The following RYR3 variants were observed in gnomAD, a reference collection of about 807,000 sequenced individuals.
RYR3 encodes the protein brain ryanodine receptor-calcium release channel.
RYR3 carries 207 observed loss-of-function variants against 584.3 expected under a neutral mutation model. The ratio of observed to expected loss-of-function variants is 0.35; its 90% CI spans 0.32 to 0.40. RYR3 has a LOEUF of 0.40. Among genes scored for constraint, RYR3 ranks in the 10% least tolerant of loss-of-function variants. The pLI is 1.00. For synonymous variants in RYR3, 2,416 were observed against 2,248.5 expected, an observed-to-expected ratio of 1.07 and a Z score of -2.11; for missense variants, 5,616 against 6,089.2, an observed-to-expected ratio of 0.92 and a Z score of 2.59.
intron 31 of RYR3, among the ~76,000 whole-genome samples, chr15:33,650,546 T>A (rs2062406009): frequency 6.6e-6 from 1 of 152,194 alleles, no homozygotes; most frequent in Non-Finnish European, 1.5e-5. Flanking sequence ...ATAAGTTAAT[T>A]CATAGAAAAA....
In RYR3 at chr15:33,624,009, G is replaced by T; in HGVS notation, c.2560G>T (p.Val854Leu). 1 of 1,613,424 alleles carries T rather than the reference G, an allele frequency of 6.2e-7. No individual in the cohort carries two copies. The highest frequency in any genetic ancestry group is 8.5e-7 in the Non-Finnish European group (1 of 1,179,492). ...CCAAGCCTCTTTCATCCCATGCCCCGTAGACACCAGTCAGGTAGGTTCAAA... is the reference window on the plus strand; with the variant it reads ...CCAAGCCTCTTTCATCCCATGCCCCTTAGACACCAGTCAGGTAGGTTCAAA... ...LSQASFIPCP[V>L]DTSQVILPPH... The change falls in exon 20 of 104, where the codon GTA (valine) becomes TTA (leucine). Residue 854 changes from valine to leucine, a missense_variant. Physicochemically the swap from Val to Leu is conservative, Grantham distance 32. Around this residue, in one of 9 missense-constraint regions of RYR3, gnomAD observed 1,284 missense variants for 1,344.6 expected, o/e 0.95. Transcript: ENST00000634891.
chr15:33,729,104 TTC>T (rs1184751776), intron 47 of RYR3, 78 bp downstream of exon 47: 15 of 1,212,384 alleles, frequency 1.2e-5, no homozygotes, highest in African/African-American at 4.5e-5. Flanking sequence ...AGCAAATATT[TTC>T]TCTTTACTCA....
rs1050830471 is a variant in RYR3, at chr15:33,788,379, A to C, written c.9751A>C (p.Ile3251Leu). Residue 3251 changes from isoleucine to leucine, a missense_variant, in exon 67 of 104, where the codon ATC (isoleucine) becomes CTC (leucine). Physicochemically the swap from Ile to Leu is conservative, Grantham distance 5. Around this residue, in one of 9 missense-constraint regions of RYR3, gnomAD observed 954 missense variants for 1,132.2 expected, o/e 0.84. Coordinates refer to ENST00000634891, the MANE Select transcript of RYR3 (RefSeq NM_001036.6). Reference sequence around the variant, plus strand: ...GGACACCCAGGAGGCAGAACTCCTCATCCTGGACGAGTTCGCGGTCCTCTG... The same window carrying C: ...GGACACCCAGGAGGCAGAACTCCTCCTCCTGGACGAGTTCGCGGTCCTCTG... ...KGDTQEAELL[I>L]LDEFAVLCRD... The C allele has an allele frequency of 6.2e-7, 1 of 1,613,814 alleles. No individual in the cohort carries two copies. Among genetic ancestry groups the C allele is most frequent in the African/African-American group, 1.3e-5 (1 of 74,922 alleles).
intron 1 of RYR3, among the ~76,000 whole-genome samples, chr15:33,440,323 C>T (rs1260700874): frequency 2.0e-5 from 3 of 152,316 alleles, no homozygotes; most frequent in Admixed American, 1.3e-4. Flanking sequence ...ACTGCTGACT[C>T]AAACCCATTT....
intron 21 of RYR3, among the ~76,000 whole-genome samples, chr15:33,629,219 G>A (rs2061150089): frequency 6.6e-6 from 1 of 152,184 alleles, no homozygotes; most frequent in Admixed American, 6.5e-5. Flanking sequence ...TGTAGTACAG[G>A]CATTCAACAA....
chr15:33,739,968 T>C lies in RYR3; in HGVS notation c.7793T>C (p.Phe2598Ser). Residue 2598 changes from phenylalanine to serine, a missense_variant, in exon 51 of 104, where the codon TTT becomes TCT. Physicochemically the swap from Phe to Ser is radical, Grantham distance 155. This residue lies in a region of RYR3 where 1,280 missense variants were observed against 1,426.2 expected (regional missense o/e 0.90). Coordinates refer to ENST00000634891, the MANE Select transcript of RYR3 (RefSeq NM_001036.6). Reference sequence around the variant, plus strand: ...ATCTCAGTGGATGCGGATGGCAACTTTGACCCAAAACCTATTAACACCATG... The same window carrying C: ...ATCTCAGTGGATGCGGATGGCAACTCTGACCCAAAACCTATTAACACCATG... The part of the protein sequence containing the change: ...KQISVDADGN[F>S]DPKPINTMNF... 6.2e-7 allele frequency: 1 copy of C among 1,613,924 alleles called. No homozygotes were observed. Among genetic ancestry groups the C allele is most frequent in the Non-Finnish European group, 8.5e-7 (1 of 1,179,854 alleles).
At chr15:33,715,531 T>C (rs753221797) in intron 43 of RYR3, among the ~76,000 whole-genome samples, 5 of 152,226 alleles carry the variant, frequency 3.3e-5, no homozygotes, top group Admixed American at 6.5e-5. Context: ...TTAACATCTA[T>C]GTTACACCTT....
Position 33,853,559 on chromosome 15 carries a change from TCAA to T in RYR3, c.13680_13682del (p.Asn4560del). 2 of 1,613,620 alleles carry T rather than the reference TCAA, an allele frequency of 1.2e-6. No individual in the cohort carries two copies. The highest frequency in any genetic ancestry group is 1.7e-6 in the Non-Finnish European group (2 of 1,179,674). ...CCCTGTCATCCTTTGCTTCAGGTGA[TCAA>T]CAAGTATGGAGATCTCTACGGAGCA... On this transcript the variant is annotated inframe_deletion, in exon 96 of 104. Coordinates refer to ENST00000634891, the MANE Select transcript of RYR3 (RefSeq NM_001036.6).
intron 67 of RYR3, among the ~76,000 whole-genome samples, chr15:33,797,685 C>T (rs545085313): frequency 6.6e-5 from 10 of 152,218 alleles, no homozygotes; most frequent in South Asian, 4.2e-4. Flanking sequence ...CACCAAGAAA[C>T]GTTACCCAAG....
chr15:33,865,036 G>C (rs886407113), intron 103 of RYR3, 95 bp from the exon 104 acceptor site: 16 of 843,768 alleles, frequency 1.9e-5, no homozygotes, highest in East Asian at 1.7e-4. Context: ...ATTCACATCA[G>C]TCTTCCTAAA....
chr15:33,770,649 C>T (rs560119431), intron 62 of RYR3, among the ~76,000 whole-genome samples: 1 of 152,136 alleles, frequency 6.6e-6, no homozygotes, highest in African/African-American at 2.4e-5. Context: ...ACTCGGGAGG[C>T]TGAGGTGAGA....
intron 38 of RYR3, among the ~76,000 whole-genome samples, chr15:33,691,392 GGAAGCT>G (rs1450254080): frequency 3.3e-5 from 5 of 152,128 alleles, no homozygotes; most frequent in African/African-American, 1.2e-4. Flanking sequence ...TTAAGTACTG[GGAAGCT>G]GTCGAGCTCC....
In RYR3 at chr15:33,646,371, C is replaced by T. The variant is rs1373391826; in HGVS notation, c.3786C>T (p.Thr1262=). ...PHIEVMRIDG[T]MDSPPCLKVT... ...TCCAGGTCATGAGGATTGATGGCACCATGGACAGCCCTCCGTGTCTCAAGG... is the reference window on the plus strand; with the variant it reads ...TCCAGGTCATGAGGATTGATGGCACTATGGACAGCCCTCCGTGTCTCAAGG... Residue 1262 remains threonine (T), a synonymous_variant, in exon 29 of 104, where the codon ACC becomes ACT. Transcript: ENST00000634891. 2 of 1,610,084 alleles carry T rather than the reference C, an allele frequency of 1.2e-6. No homozygotes were observed. Among genetic ancestry groups the T allele is most frequent in the African/African-American group, 2.7e-5 (2 of 74,884 alleles).
At chr15:33,578,772 A>AAACG (rs1356943186) in intron 12 of RYR3, among the ~76,000 whole-genome samples, 2 of 18,298 alleles carry the variant, frequency 1.1e-4, no homozygotes, top group Non-Finnish European at 2.2e-4. Flanking sequence ...GAATAAAAAA[A>AAACG]AAAAAACAAC....
At chr15:33,317,027 G>A (rs1968270944) in intron 1 of RYR3, among the ~76,000 whole-genome samples, 1 of 152,188 alleles carries the variant, frequency 6.6e-6, no homozygotes, top group South Asian at 2.1e-4. Flanking sequence ...CAAAAGGCCA[G>A]GTAGGCTCCT....
At chr15:33,384,369 C>A (rs535394587) in intron 1 of RYR3, among the ~76,000 whole-genome samples, 1 of 150,888 alleles carries the variant, frequency 6.6e-6, no homozygotes, top group Non-Finnish European at 1.5e-5. Flanking sequence ...TTCCTTGGCT[C>A]CTCTGATTAT....
intron 1 of RYR3, among the ~76,000 whole-genome samples, chr15:33,407,847 G>A (rs986509382): frequency 6.6e-6 from 1 of 152,146 alleles, no homozygotes; most frequent in Admixed American, 6.5e-5. Context: ...ATTAAGGTTA[G>A]TTAACATGTG....
intron 14 of RYR3, among the ~76,000 whole-genome samples, chr15:33,583,707 C>T (rs367599597): frequency 6.6e-5 from 10 of 152,084 alleles, no homozygotes; most frequent in East Asian, 5.8e-4. Context: ...GATCAATTGA[C>T]GCCAAGAGTT....
chr15:33,470,623 T>C (rs1170167036), intron 1 of RYR3, among the ~76,000 whole-genome samples: 1 of 152,132 alleles, frequency 6.6e-6, no homozygotes, highest in Non-Finnish European at 1.5e-5. Context: ...GATAGTCCAG[T>C]TCTGGATTTT....
Sources: allele counts gnomAD v4.1 joint callset (sites outside exome capture counted in the v4.1 genomes callset), GRCh38; gene constraint gnomAD v4.1.1; regional missense constraint gnomAD v4.1.1; transcripts MANE v1.5; gene names NCBI Gene and HGNC (gene_info 2026-07-23, HGNC 2026-07-21).